PCDHGA7: variants seen among roughly 807,000 people sequenced by gnomAD.
PCDHGA7 encodes the protein protocadherin gamma subfamily A, 7.
A neutral mutation model predicts 58.3 loss-of-function variants in PCDHGA7; 44 were observed. The observed-to-expected ratio is 0.75, with a 90% confidence interval of 0.59 to 0.97. The LOEUF is 0.97. Among genes scored for constraint, PCDHGA7 ranks in the 50% least tolerant of loss-of-function variants. The probability of loss-of-function intolerance (pLI) is 0.00; values close to 1 mark genes in which losing one functional copy is unlikely to be tolerated. For missense variants in PCDHGA7, 1,266 were observed against 1,188.7 expected, an observed-to-expected ratio of 1.06 and a Z score of -0.96; for synonymous variants, 516 against 504.2, an observed-to-expected ratio of 1.02 and a Z score of -0.31.
chr5:141,450,470 A>AGTTT (rs199699353), intron 1 of PCDHGA7, among the ~76,000 whole-genome samples: 2,037 of 151,800 alleles, frequency 0.013, 39 homozygotes, highest in African/African-American at 0.044. Flanking sequence ...TTATATATAG[A>AGTTT]GTTTGTTTGT....
Position 141,432,442 on chromosome 5 carries a change from G to A in PCDHGA7, c.2424+47119G>A. 1 of 1,614,228 alleles carries A rather than the reference G, an allele frequency of 6.2e-7. No individual in the cohort carries two copies. Among genetic ancestry groups the A allele is most frequent in the Non-Finnish European group, 8.5e-7 (1 of 1,180,042 alleles). On this transcript the variant is annotated intron_variant, in intron 1 of 3. Transcript: ENST00000518325. The surrounding 1 kb of genome is among the most constrained non-coding windows in gnomAD (Gnocchi z 6.0). ...TGGACCAGAACGACAATGCGCCCGA[G>A]ATCCTGTACCCCGCCCTCCCCACGG...
At position 141,383,575 on chromosome 5, in the gene PCDHGA7, G is replaced by T; in HGVS notation, c.676G>T (p.Ala226Ser). ...CGGCGACCCGCCCCGATCCAGCACCGCCCACATCCAGGTGACAGTGGTGGA... is the reference window on the plus strand; with the variant it reads ...CGGCGACCCGCCCCGATCCAGCACCTCCCACATCCAGGTGACAGTGGTGGA... ...DGGDPPRSST[A>S]HIQVTVVDVN... Residue 226 changes from alanine (A) to serine (S), a missense_variant, in exon 1 of 4, where the codon GCC (alanine) becomes TCC (serine). Ala to Ser is a moderately conservative substitution (Grantham distance 99). Coordinates refer to ENST00000518325, the MANE Select transcript of PCDHGA7 (RefSeq NM_018920.4). 1 of 1,613,234 alleles carries T rather than the reference G, an allele frequency of 6.2e-7. No homozygotes were observed. Among genetic ancestry groups the T allele is most frequent in the African/African-American group, 1.3e-5 (1 of 75,008 alleles).
intron 1 of PCDHGA7, among the ~76,000 whole-genome samples, chr5:141,450,649 G>A (rs2098689040): frequency 6.6e-6 from 1 of 151,674 alleles, no homozygotes; most frequent in African/African-American, 2.4e-5. Flanking sequence ...ACCATGCCTG[G>A]CTAATTTTTG....
Position 141,490,008 on chromosome 5 carries a change from C to T in PCDHGA7, c.2425-4799C>T. 6.2e-7 allele frequency: 1 copy of T among 1,614,230 alleles called. No homozygotes were observed. ...GTGTGGGAATCCCAGAGAATGCACC[C>T]ATTGGTACTCTGCTGCTCCGCCTCA... On this transcript the variant is annotated intron_variant, in intron 1 of 3. Transcript: ENST00000518325. This position sits in a 1 kb window ranked among gnomAD's most constrained non-coding sequence, Gnocchi z 5.4.
rs61612330 is a variant in PCDHGA7, at chr5:141,454,796, A to ATTTTTTTTTTTT, written c.2425-39993_2425-39982dup. Among the ~76,000 whole-genome samples, 573 of 77,460 alleles carry ATTTTTTTTTTTT rather than the reference A, an allele frequency of 7.4e-3. 68 individuals carry two copies. Among genetic ancestry groups the ATTTTTTTTTTTT allele is most frequent in the Non-Finnish European group, 9.0e-3 (384 of 42,814 alleles). The allele number at this position is 77,460 out of a possible 152,430, so 50.8% of individuals were successfully genotyped here. A position where few individuals can be genotyped will look rare whatever the true frequency, so the allele number is the denominator to read the frequency against. On this transcript the variant is annotated intron_variant, in intron 1 of 3. Coordinates refer to ENST00000518325, the MANE Select transcript of PCDHGA7 (RefSeq NM_018920.4). ...AAGGAAATAATCCTCCATGGTTCTA[A>ATTTTTTTTTTTT]TTTTTTTTTTTTTTTTTTTTTTTTT...
intron 1 of PCDHGA7, chr5:141,424,031 T>G (rs2096796228): frequency 1.9e-6 from 2 of 1,036,050 alleles, no homozygotes; most frequent in African/African-American, 3.4e-5. Flanking sequence ...AAACACTTTT[T>G]ATTTCCATTT....
At position 141,487,447 on chromosome 5, in the gene PCDHGA7, C is replaced by A. The variant is rs758411138; in HGVS notation, c.2425-7360C>A. 4.3e-6 allele frequency: 7 copies of A among 1,614,182 alleles called. No homozygotes were observed. The highest frequency in any genetic ancestry group is 5.9e-6 in the Non-Finnish European group (7 of 1,180,028). Reference sequence around the variant, plus strand: ...TCCGAATCCAGCTAGGGTCAGATGACCCTATCAAGTTTGTTGATGTGGGAG... The same window carrying A: ...TCCGAATCCAGCTAGGGTCAGATGAACCTATCAAGTTTGTTGATGTGGGAG... On this transcript the variant is annotated intron_variant, in intron 1 of 3. Coordinates refer to ENST00000518325, the MANE Select transcript of PCDHGA7 (RefSeq NM_018920.4). The surrounding 1 kb of genome is among the most constrained non-coding windows in gnomAD (Gnocchi z 5.0).
At chr5:141,410,847 G>GTTTT (rs773839667) in intron 1 of PCDHGA7, 2 of 158,344 alleles carry the variant, frequency 1.3e-5, no homozygotes, top group African/African-American at 1.7e-4. Context: ...TTTTGTCTTT[G>GTTTT]TCTTTTTTTT....
At chr5:141,442,049 C>A in intron 1 of PCDHGA7, 2 of 202,550 alleles carry the variant, frequency 9.9e-6, no homozygotes, top group South Asian at 1.3e-4. Flanking sequence ...GCCTACTGGT[C>A]GCGGTGCACT....
chr5:141,457,149 G>A (rs1016628234), intron 1 of PCDHGA7, among the ~76,000 whole-genome samples: 6 of 152,180 alleles, frequency 3.9e-5, no homozygotes, highest in African/African-American at 1.4e-4. Flanking sequence ...TCAGTTAGAA[G>A]GTGCTACCAT....
chr5:141,431,215 CCCTCTACCCCACG>C lies in PCDHGA7; in HGVS notation c.2424+45896_2424+45908del. The C allele has an allele frequency of 6.2e-7, 1 of 1,614,184 alleles. No homozygotes were observed. Among genetic ancestry groups the C allele is most frequent in the Non-Finnish European group, 8.5e-7 (1 of 1,180,048 alleles). On this transcript the variant is annotated intron_variant, in intron 1 of 3. Transcript: ENST00000518325. The surrounding 1 kb of genome is among the most constrained non-coding windows in gnomAD (Gnocchi z 4.8). ...AAAATGCAGCCACTGAGATGCGGTT[CCCTCTACCCCACG>C]CCTGGGATCCGGATATCGGGAAGAA... is the stretch of plus-strand genomic sequence containing the variant.
At chr5:141,413,220 C>A in intron 1 of PCDHGA7, 1 of 1,613,330 alleles carries the variant, frequency 6.2e-7, no homozygotes, top group South Asian at 1.1e-5. Flanking sequence ...AGGATTGCAG[C>A]GGGCTGGTCC....
intron 1 of PCDHGA7, chr5:141,399,804 G>A (rs1191609127): frequency 2.5e-6 from 4 of 1,613,224 alleles, no homozygotes; most frequent in East Asian, 2.2e-5. Flanking sequence ...CGCGGGTGCT[G>A]TACCCCGCGC....
chr5:141,418,095 C>T, intron 1 of PCDHGA7: 1 of 1,614,006 alleles, frequency 6.2e-7, no homozygotes, highest in Non-Finnish European at 8.5e-7. Context: ...AGCGTAGACG[C>T]GCAGAGCGGG....
At chr5:141,418,145 T>G in intron 1 of PCDHGA7, 4 of 1,614,052 alleles carry the variant, frequency 2.5e-6, no homozygotes, top group Non-Finnish European at 3.4e-6. Flanking sequence ...TGAGCAAATA[T>G]GCAAAGAGAG....
intron 1 of PCDHGA7, chr5:141,403,279 G>C (rs779882720): frequency 6.2e-7 from 1 of 1,613,900 alleles, no homozygotes. Flanking sequence ...TTAAAGTCCT[G>C]GTTGAAGACA....
At position 141,496,266 on chromosome 5, in the gene PCDHGA7, AAGACCTTC is replaced by A. The variant is rs2099767586; in HGVS notation, c.2483+1404_2483+1411del. Among the ~76,000 whole-genome samples the A allele has an allele frequency of 2.0e-5, 3 of 152,152 alleles. No homozygotes were observed. The South Asian group carries it at 6.2e-4, about 32-fold the overall frequency. Reference sequence around the variant, plus strand: ...TGAAGGGGAGGGAAACTTCAGCAGAAAGACCTTCAGTTGGTCTGAGCAGAGTGGGATAG... The same window carrying A: ...TGAAGGGGAGGGAAACTTCAGCAGAAAGTTGGTCTGAGCAGAGTGGGATAG... On this transcript the variant is annotated intron_variant, in intron 2 of 3. Coordinates refer to ENST00000518325, the MANE Select transcript of PCDHGA7 (RefSeq NM_018920.4).
rs558730748 is a variant in PCDHGA7, at chr5:141,469,995, G to A, written c.2425-24812G>A. Reference sequence around the variant, plus strand: ...AAAATACAAAAATTAGCTGGTCGTCGTGGCACGCCTGTAATCCCAGCTACT... The same window carrying A: ...AAAATACAAAAATTAGCTGGTCGTCATGGCACGCCTGTAATCCCAGCTACT... On this transcript the variant is annotated intron_variant, in intron 1 of 3. Coordinates refer to ENST00000518325, the MANE Select transcript of PCDHGA7 (RefSeq NM_018920.4). Among the ~76,000 whole-genome samples, 8 of 152,194 alleles carry A rather than the reference G, an allele frequency of 5.3e-5. No homozygotes were observed. In the East Asian group the frequency reaches 5.8e-4, roughly 11 times the overall value.
intron 1 of PCDHGA7, chr5:141,429,155 G>A (rs115622025): frequency 0.044 from 6,389 of 145,752 alleles, 216 homozygotes; most frequent in African/African-American, 0.099. Flanking sequence ...CACCCGGCCC[G>A]GAGACATTGT....
Sources: gnomAD v4.1 joint callset for allele counts (sites outside exome capture counted in the v4.1 genomes callset) on GRCh38, gnomAD v4.1.1 for gene constraint, Gnocchi (gnomAD v3.1) non-coding constraint, MANE v1.5 for transcripts, NCBI Gene and HGNC (gene_info 2026-07-23, HGNC 2026-07-21) for gene names.